Variants in PLPP1 observed in about 807,000 individuals in gnomAD.
PLPP1 encodes phospholipid phosphatase 1.
PLPP1 carries 24 observed loss-of-function variants against 31.2 expected under a neutral mutation model. That is an observed-to-expected ratio of 0.77 (90% CI 0.56 to 1.08). The LOEUF is 1.08. Ranked by LOEUF, PLPP1 falls within the 50% of genes least tolerant of loss-of-function variation. PLPP1 has a pLI of 0.00. For missense variants in PLPP1, 319 were observed against 342.7 expected, an observed-to-expected ratio of 0.93 and a Z score of 0.55; for synonymous variants, 146 against 126.3, an observed-to-expected ratio of 1.16 and a Z score of -1.05.
chr5:55,496,820 A>G (rs1753012576), intron 1 of PLPP1, among the ~76,000 whole-genome samples: 1 of 152,212 alleles, frequency 6.6e-6, no homozygotes, highest in Non-Finnish European at 1.5e-5. Flanking sequence ...ATTCAGTGAT[A>G]ATTGAAACCT....
intron 4 of PLPP1, among the ~76,000 whole-genome samples, chr5:55,430,504 A>T (rs1751321585): frequency 1.3e-5 from 2 of 152,340 alleles, no homozygotes; most frequent in South Asian, 4.1e-4. Flanking sequence ...AAGAAATCAT[A>T]CTGAGACTAC....
At chr5:55,430,979 C>G (rs748360231) in intron 4 of PLPP1, among the ~76,000 whole-genome samples, 3 of 152,104 alleles carry the variant, frequency 2.0e-5, no homozygotes, top group Non-Finnish European at 4.4e-5. Context: ...TAGACTGCAT[C>G]AAGCAGAACT....
intron 3 of PLPP1, among the ~76,000 whole-genome samples, chr5:55,467,464 T>C (rs11744520): frequency 0.042 from 6,332 of 151,702 alleles, 197 homozygotes; most frequent in Non-Finnish European, 0.064. Context: ...GGTGGAAGGA[T>C]CACTTGAGCC....
At chr5:55,435,404 A>T (rs1751468438) in intron 4 of PLPP1, among the ~76,000 whole-genome samples, 1 of 38,260 alleles carries the variant, frequency 2.6e-5, no homozygotes, top group Non-Finnish European at 8.1e-5. Flanking sequence ...TTAATACAAG[A>T]GATCACCTGG....
intron 3 of PLPP1, among the ~76,000 whole-genome samples, chr5:55,464,515 G>A (rs1752242651): frequency 1.3e-5 from 2 of 152,134 alleles, no homozygotes; most frequent in Non-Finnish European, 2.9e-5. Flanking sequence ...GACATTACAG[G>A]TGTGAGCCAC....
intron 1 of PLPP1, among the ~76,000 whole-genome samples, chr5:55,511,313 A>G (rs147281861): frequency 1.3e-3 from 196 of 152,356 alleles, no homozygotes; most frequent in African/African-American, 4.3e-3. Context: ...TGTACACAGC[A>G]TAATAGCACA....
intron 1 of PLPP1, among the ~76,000 whole-genome samples, chr5:55,509,311 C>T (rs1753353569): frequency 6.6e-6 from 1 of 152,172 alleles, no homozygotes; most frequent in Non-Finnish European, 1.5e-5. Context: ...AGTGATAGCA[C>T]TGTACAGTAT....
intron 1 of PLPP1, among the ~76,000 whole-genome samples, chr5:55,510,546 CACA>C (rs1420048574): frequency 1.3e-5 from 2 of 152,198 alleles, no homozygotes; most frequent in East Asian, 1.9e-4. Flanking sequence ...ATTTTTAAAA[CACA>C]ACAATTAAAT....
intron 3 of PLPP1, among the ~76,000 whole-genome samples, chr5:55,458,914 A>AAAAAAAAAAAAAAAAC (rs1387046910): frequency 5.4e-5 from 8 of 148,974 alleles, no homozygotes; most frequent in Non-Finnish European, 1.2e-4. Context: ...AAAAAAAAAA[A>AAAAAAAAAAAAAAAAC]AACACATAGC....
chr5:55,497,752 A>G (rs1477532561), intron 1 of PLPP1, among the ~76,000 whole-genome samples: 1 of 152,194 alleles, frequency 6.6e-6, no homozygotes, highest in Admixed American at 6.5e-5. Context: ...GTGTGGGCAC[A>G]GTCAAAAGAT....
intron 3 of PLPP1, among the ~76,000 whole-genome samples, chr5:55,444,030 T>C (rs889535592): frequency 4.6e-5 from 7 of 152,090 alleles, no homozygotes; most frequent in African/African-American, 1.7e-4. Context: ...AATTCACAAA[T>C]AGACTAAATA....
chr5:55,477,744 C>T (rs1579952114), intron 1 of PLPP1, among the ~76,000 whole-genome samples: 1 of 152,132 alleles, frequency 6.6e-6, no homozygotes, highest in East Asian at 1.9e-4. Flanking sequence ...GAAACTTTCA[C>T]TGTCTACAAA....
intron 1 of PLPP1, among the ~76,000 whole-genome samples, chr5:55,476,485 T>G (rs969966364): frequency 5.3e-5 from 8 of 152,168 alleles, no homozygotes; most frequent in African/African-American, 1.9e-4. Flanking sequence ...CAATTCTCCT[T>G]TACTTCACTG....
intron 1 of PLPP1, among the ~76,000 whole-genome samples, chr5:55,500,149 G>A (rs1027426601): frequency 3.4e-5 from 5 of 146,492 alleles, no homozygotes; most frequent in Non-Finnish European, 5.9e-5. Flanking sequence ...GCGCAATCTC[G>A]GCTCACTACA....
intron 3 of PLPP1, among the ~76,000 whole-genome samples, chr5:55,445,535 C>CTTT (rs753276317): frequency 2.5e-5 from 2 of 79,622 alleles, no homozygotes; most frequent in African/African-American, 5.1e-5. Flanking sequence ...TGCATTCACT[C>CTTT]TTTTTTTTTT....
At chr5:55,430,380 T>A (rs929347971) in intron 4 of PLPP1, among the ~76,000 whole-genome samples, 1 of 152,210 alleles carries the variant, frequency 6.6e-6, no homozygotes, top group Non-Finnish European at 1.5e-5. Flanking sequence ...CTCCTGGGGC[T>A]CGAGGATGGG....
rs1164219424 is a variant in PLPP1, at chr5:55,512,517, AAAGAAAGAAAG to A, written c.58+22044_58+22054del. On this transcript the variant is annotated intron_variant, in intron 1 of 5. Coordinates refer to ENST00000307259, the MANE Select transcript of PLPP1 (RefSeq NM_003711.4). ...GAAAGAAAAGAAAAGAAAAGAAAAG[AAAGAAAGAAAG>A]AAAGAAAGAAAGAAAGAAAGAAAGA... 9.7e-3 allele frequency among the ~76,000 whole-genome samples: 51 copies of A among 5,254 alleles called. 1 individual carries two copies. Among genetic ancestry groups the A allele is most frequent in the East Asian group, 0.077 (28 of 362 alleles). 3.4% of individuals were successfully genotyped at this position (5,254 alleles called of 152,430 possible). A position where few individuals can be genotyped will look rare whatever the true frequency, so the allele number is the denominator to read the frequency against.
At chr5:55,425,613 T>TA (rs1236373458) in intron 5 of PLPP1, 12 of 448,232 alleles carry the variant, frequency 2.7e-5, no homozygotes, top group Non-Finnish European at 4.5e-5. Flanking sequence ...CATAATCCCC[T>TA]AAAAAAACTA....
intron 1 of PLPP1, among the ~76,000 whole-genome samples, chr5:55,508,055 A>G (rs2008688): frequency 0.86 from 130,150 of 151,890 alleles, 55,988 homozygotes; most frequent in South Asian, 0.92. Context: ...ACAGGGTTTC[A>G]CCATGTTGGC....
Sources: allele counts gnomAD v4.1 joint callset (sites outside exome capture counted in the v4.1 genomes callset), GRCh38; gene constraint gnomAD v4.1.1; transcripts MANE v1.5; gene names NCBI Gene and HGNC (gene_info 2026-07-23, HGNC 2026-07-21).